The following WDR64 variants were observed in gnomAD, a reference collection of about 807,000 sequenced individuals.
WDR64 encodes the protein WD repeat domain 64.
Under a neutral mutation model 139.3 loss-of-function variants are expected in WDR64, and 112 were observed. That is an observed-to-expected ratio of 0.80 (90% CI 0.69 to 0.94). The LOEUF is 0.94. Among genes scored for constraint, WDR64 ranks in the 40% least tolerant of loss-of-function variants. WDR64 has a pLI of 0.00. For synonymous variants in WDR64, 444 were observed against 437.7 expected, an observed-to-expected ratio of 1.01 and a Z score of -0.18; for missense variants, 1,206 against 1,293.1, an observed-to-expected ratio of 0.93 and a Z score of 1.03.
rs761993944 is a variant in WDR64, at chr1:241,741,616, C to G, written c.1422C>G (p.Asn474Lys). 1.9e-6 allele frequency: 3 copies of G among 1,613,038 alleles called. No individual in the cohort carries two copies. Among genetic ancestry groups the G allele is most frequent in the Non-Finnish European group, 2.5e-6 (3 of 1,179,796 alleles). Residue 474 changes from asparagine (N) to lysine (K), a missense_variant, in exon 12 of 28, where the codon AAC (asparagine) becomes AAG (lysine). Physicochemically the swap from Asn to Lys is moderately conservative, Grantham distance 94. Transcript: ENST00000437684. ...HEREINVMLYNKYFHQVLTIC... is the reference protein window; with the variant it reads ...HEREINVMLYKKYFHQVLTIC... ...GAGAAATCAATGTCATGCTTTACAACAAATATTTTCATCAAGTACTCACTA... is the reference window on the plus strand; with the variant it reads ...GAGAAATCAATGTCATGCTTTACAAGAAATATTTTCATCAAGTACTCACTA...
intron 13 of WDR64, 46 bp from the exon 14 acceptor site, chr1:241,749,501 C>G: frequency 6.3e-7 from 1 of 1,581,712 alleles, no homozygotes; most frequent in Non-Finnish European, 8.6e-7. Flanking sequence ...GCCAAGCTTT[C>G]TCTAAGTCAT....
chr1:241,754,208 A>AT (rs990170629), intron 14 of WDR64, among the ~76,000 whole-genome samples: 1 of 151,722 alleles, frequency 6.6e-6, no homozygotes, highest in Non-Finnish European at 1.5e-5. Context: ...TGTTTTTTAA[A>AT]TTTTTTTAAT....
intron 25 of WDR64, among the ~76,000 whole-genome samples, chr1:241,791,678 A>G (rs1418764): frequency 0.21 from 32,140 of 151,750 alleles, 3,776 homozygotes; most frequent in East Asian, 0.42. Flanking sequence ...TCTGGGGGAA[A>G]AAAAAAAAGA....
chr1:241,652,414 T>TG lies in WDR64; in HGVS notation c.-69dup. 6.7e-7 allele frequency: 1 copy of TG among 1,486,550 alleles called. No individual in the cohort carries two copies. The highest frequency in any genetic ancestry group is 1.3e-5 in the South Asian group (1 of 76,066). The allele number at this position is 1,486,550 out of a possible 1,614,324, so 92.1% of individuals were successfully genotyped here. ...GACAGCAGGGAGGCACTGTAACAAC[T>TG]GGAAAGTTTTCCAAATTGGTAAACT... On this transcript the variant is annotated 5_prime_UTR_variant, in exon 1 of 28. Transcript: ENST00000437684.
chr1:241,775,010 A>C (rs1158972186), intron 20 of WDR64, 95 bp from the exon 21 acceptor site: 5 of 931,232 alleles, frequency 5.4e-6, no homozygotes, highest in Non-Finnish European at 8.0e-6. Flanking sequence ...AATTCTTGAG[A>C]TGCATTATTT....
intron 2 of WDR64, among the ~76,000 whole-genome samples, chr1:241,667,067 C>T (rs1303165528): frequency 6.6e-6 from 1 of 152,124 alleles, no homozygotes; most frequent in East Asian, 1.9e-4. Context: ...TAAAGTTAAA[C>T]GACTGTCTGT....
intron 19 of WDR64, 96 bp downstream of exon 19, chr1:241,771,793 C>T (rs1213624015): frequency 4.9e-6 from 3 of 612,302 alleles, no homozygotes; most frequent in Admixed American, 4.4e-5. Flanking sequence ...ATATATATTC[C>T]TTAATATATA....
At chr1:241,783,425 A>T (rs1235437889) in intron 23 of WDR64, 44 bp downstream of exon 23, 10 of 1,435,498 alleles carry the variant, frequency 7.0e-6, no homozygotes, top group African/African-American at 2.8e-5. Flanking sequence ...TACTGTGAGC[A>T]TGAGAGGTAA....
intron 24 of WDR64, among the ~76,000 whole-genome samples, chr1:241,790,012 T>C (rs1024184233): frequency 7.9e-5 from 12 of 152,158 alleles, no homozygotes; most frequent in African/African-American, 2.9e-4. Context: ...TAGTTCCTAA[T>C]ATAGAGTTTC....
intron 20 of WDR64, among the ~76,000 whole-genome samples, 165 bp downstream of exon 20, chr1:241,773,096 A>G (rs1658523501): frequency 6.6e-6 from 1 of 152,236 alleles, no homozygotes; most frequent in Non-Finnish European, 1.5e-5. Flanking sequence ...CGCTATCCAA[A>G]CTTTACGAGA....
chr1:241,684,681 C>T (rs1336734821), intron 7 of WDR64, among the ~76,000 whole-genome samples: 1 of 152,198 alleles, frequency 6.6e-6, no homozygotes, highest in Non-Finnish European at 1.5e-5. Context: ...CAAGTGCCTT[C>T]ATAACCATTA....
chr1:241,718,021 G>A (rs1193120654), intron 9 of WDR64, among the ~76,000 whole-genome samples: 1 of 152,168 alleles, frequency 6.6e-6, no homozygotes, highest in Non-Finnish European at 1.5e-5. Flanking sequence ...ATGCAGAGAG[G>A]CAAAGCAACT....
rs138674982 is a variant in WDR64 at position 241,720,708 on chromosome 1, C to T, written c.1055-2589C>T. 2.7e-3 allele frequency among the ~76,000 whole-genome samples: 413 copies of T among 152,206 alleles called. 1 individual carries two copies. Among genetic ancestry groups the T allele is most frequent in the Middle Eastern group, 0.01 (3 of 294 alleles). On this transcript the variant is annotated intron_variant, in intron 9 of 27. Transcript: ENST00000437684. ...TAGACTCTGGATATTAGATGTTAGTCAGATGGATAGATTGCAAAAATTTTC... is the reference window on the plus strand; with the variant it reads ...TAGACTCTGGATATTAGATGTTAGTTAGATGGATAGATTGCAAAAATTTTC...
At chr1:241,714,792 A>G (rs951849144) in intron 9 of WDR64, among the ~76,000 whole-genome samples, 16 of 152,220 alleles carry the variant, frequency 1.1e-4, no homozygotes, top group African/African-American at 3.9e-4. Context: ...TCGCCTGGCC[A>G]ATCACCAACT....
chr1:241,738,241 A>G (rs775591343), intron 10 of WDR64, 122 bp from the exon 11 acceptor site: 106 of 1,230,700 alleles, frequency 8.6e-5, no homozygotes, highest in Non-Finnish European at 1.1e-4. Context: ...TGCTTATCAT[A>G]TAAGTAATAC....
chr1:241,702,261 G>A (rs1194119750), intron 8 of WDR64, among the ~76,000 whole-genome samples: 1 of 151,898 alleles, frequency 6.6e-6, no homozygotes, highest in Non-Finnish European at 1.5e-5. Context: ...AGTTGCCCTT[G>A]GTAAGGTTGC....
At chr1:241,725,462 C>T (rs1019324007) in intron 10 of WDR64, among the ~76,000 whole-genome samples, 1 of 151,786 alleles carries the variant, frequency 6.6e-6, no homozygotes, top group East Asian at 2.0e-4. Context: ...ACACCCTCTA[C>T]CCGATGCAAA....
chr1:241,679,393 G>A (rs1406911342), intron 5 of WDR64, 92 bp from the exon 6 acceptor site: 2 of 1,098,092 alleles, frequency 1.8e-6, no homozygotes, highest in East Asian at 2.6e-5. Context: ...GCAAAATGGA[G>A]CTTTTAGTGT....
intron 23 of WDR64, among the ~76,000 whole-genome samples, chr1:241,787,377 AAT>A (rs1553382058): frequency 4.7e-5 from 7 of 150,392 alleles, no homozygotes; most frequent in African/African-American, 1.7e-4. Context: ...AAAAAAAAAA[AAT>A]GTTGGCCGGA....
Sources: gnomAD v4.1 joint callset for allele counts (sites outside exome capture counted in the v4.1 genomes callset) on GRCh38, gnomAD v4.1.1 for gene constraint, MANE v1.5 for transcripts, NCBI Gene and HGNC (gene_info 2026-07-23, HGNC 2026-07-21) for gene names.